EAF2: variants seen among roughly 807,000 people sequenced by gnomAD.
EAF2 encodes the protein ELL associated factor 2, also known as ELL-associated factor 2.
In EAF2, 29 loss-of-function variants were observed where a neutral mutation model predicts 29.4. The observed-to-expected ratio is 0.99, with a 90% CI of 0.73 to 1.35. The LOEUF (loss-of-function observed/expected upper bound fraction) is 1.35, where lower values mean the gene tolerates loss of function less well. Among genes scored for constraint, EAF2 ranks in the 40% most tolerant of loss-of-function variants. The pLI is 0.00. For synonymous variants in EAF2, 103 were observed against 102.5 expected (o/e 1.00, Z -0.03); for missense variants, 292 against 312.0 (o/e 0.94, Z 0.48).
intron 4 of EAF2, among the ~76,000 whole-genome samples, chr3:121,864,500 G>A (rs1477032062): frequency 1.3e-5 from 2 of 152,082 alleles, no homozygotes; most frequent in African/African-American, 4.8e-5. Context: ...AAGGGGAAGG[G>A]AAGGCAAATT....
chr3:121,880,829 T>C (rs1709181116), intron 5 of EAF2, among the ~76,000 whole-genome samples: 1 of 152,198 alleles, frequency 6.6e-6, no homozygotes, highest in African/African-American at 2.4e-5. Context: ...GCTTTCGGCT[T>C]TTCCCCATTT....
intron 2 of EAF2, among the ~76,000 whole-genome samples, chr3:121,851,181 TTTA>T (rs1297172051): frequency 6.6e-6 from 1 of 152,022 alleles, no homozygotes; most frequent in African/African-American, 2.4e-5. Context: ...ACGCACTTAT[TTTA>T]TTTATTTTTT....
intron 5 of EAF2, among the ~76,000 whole-genome samples, chr3:121,879,870 A>G (rs891189100): frequency 2.6e-5 from 4 of 151,928 alleles, no homozygotes; most frequent in Non-Finnish European, 4.4e-5. Context: ...GCTATTTGGC[A>G]TCATCTGTGG....
At chr3:121,852,525 T>G (rs763288931) in intron 2 of EAF2, among the ~76,000 whole-genome samples, 2 of 152,232 alleles carry the variant, frequency 1.3e-5, no homozygotes, top group Non-Finnish European at 2.9e-5. Flanking sequence ...GTAGATTACT[T>G]TAGTCTTTGG....
rs1219368984 is a variant in EAF2 at position 121,835,330 on chromosome 3, G to A, written c.45G>A (p.Arg15=). 2 of 1,614,122 alleles carry A rather than the reference G, an allele frequency of 1.2e-6. No homozygotes were observed. The highest frequency in any genetic ancestry group is 1.3e-5 in the African/African-American group (1 of 74,944). The change falls in exon 1 of 6, where the codon CGG becomes CGA. Residue 15 remains arginine, a synonymous_variant. Transcript: ENST00000273668. ...TCTCACACCTAGACCGTCGCGAGCGGGTTCTCAAGTTAGGGGAGAGTTTCG... is the reference window on the plus strand; with the variant it reads ...TCTCACACCTAGACCGTCGCGAGCGAGTTCTCAAGTTAGGGGAGAGTTTCG... ...AGFSHLDRRE[R]VLKLGESFEK...
intron 2 of EAF2, among the ~76,000 whole-genome samples, chr3:121,849,810 A>G (rs1286237686): frequency 6.6e-6 from 1 of 151,986 alleles, no homozygotes; most frequent in African/African-American, 2.4e-5. Flanking sequence ...CCAGAGTCCT[A>G]TTTTAACATT....
intron 5 of EAF2, 118 bp downstream of exon 5, chr3:121,872,906 TA>T (rs1709041657): frequency 7.4e-7 from 1 of 1,358,860 alleles, no homozygotes; most frequent in Non-Finnish European, 1.0e-6. Context: ...TTGATACTAT[TA>T]ATAATTACAT....
At chr3:121,870,727 A>C (rs1167906342) in intron 4 of EAF2, among the ~76,000 whole-genome samples, 1 of 152,146 alleles carries the variant, frequency 6.6e-6, no homozygotes, top group Non-Finnish European at 1.5e-5. Context: ...AAGACAAACA[A>C]ATATAAAAAT....
chr3:121,860,411 T>C (rs1708805428), intron 4 of EAF2, among the ~76,000 whole-genome samples: 1 of 152,210 alleles, frequency 6.6e-6, no homozygotes, highest in Non-Finnish European at 1.5e-5. Context: ...GGTGTATGTG[T>C]CCAGGAATTT....
intron 4 of EAF2, among the ~76,000 whole-genome samples, chr3:121,862,447 T>C (rs1708849393): frequency 2.0e-5 from 3 of 152,230 alleles, no homozygotes; most frequent in Admixed American, 6.5e-5. Context: ...AACCCTTTCT[T>C]CCACTTGATC....
chr3:121,838,640 A>G (rs868463398), intron 1 of EAF2, among the ~76,000 whole-genome samples: 4 of 152,340 alleles, frequency 2.6e-5, no homozygotes, highest in Middle Eastern at 6.8e-3. Flanking sequence ...GATATTTTGC[A>G]TACATTTGTC....
chr3:121,858,107 G>A (rs531578753), intron 4 of EAF2, among the ~76,000 whole-genome samples: 18 of 152,224 alleles, frequency 1.2e-4, no homozygotes, highest in African/African-American at 3.1e-4. Flanking sequence ...CTTTGCTATT[G>A]TGAATAGTGC....
At position 121,857,192 on chromosome 3, in the gene EAF2, A is replaced by T. The variant is rs949747710; in HGVS notation, c.484+36A>T. 5 of 1,551,148 alleles carry T rather than the reference A, an allele frequency of 3.2e-6. No homozygotes were observed. The African/African-American group carries it at 6.9e-5, about 21-fold the overall frequency. ...AGTATATGTAACATCCCTTTATAAGAGATAATTAAGAAATGTTAAGGCCAG... is the reference window on the plus strand; with the variant it reads ...AGTATATGTAACATCCCTTTATAAGTGATAATTAAGAAATGTTAAGGCCAG... On this transcript the variant is annotated intron_variant, in intron 4 of 5. Coordinates refer to ENST00000273668, the MANE Select transcript of EAF2 (RefSeq NM_018456.6).
chr3:121,844,114 A>G (rs964047968), intron 1 of EAF2, among the ~76,000 whole-genome samples: 1 of 152,166 alleles, frequency 6.6e-6, no homozygotes, highest in African/African-American at 2.4e-5. Context: ...CATTCTACCT[A>G]TATCAGTTTT....
chr3:121,868,968 G>A (rs575884624), intron 4 of EAF2, among the ~76,000 whole-genome samples: 8 of 152,252 alleles, frequency 5.3e-5, no homozygotes, highest in Non-Finnish European at 5.9e-5. Context: ...CATATCCTGG[G>A]CCATAAAACA....
At chr3:121,847,648 G>T (rs116120349) in intron 2 of EAF2, among the ~76,000 whole-genome samples, 2 of 152,060 alleles carry the variant, frequency 1.3e-5, no homozygotes, top group Non-Finnish European at 2.9e-5. Context: ...TGGGGAGAGG[G>T]GGGGAGGAAG....
intron 5 of EAF2, among the ~76,000 whole-genome samples, chr3:121,877,742 G>A (rs1337974568): frequency 6.6e-6 from 1 of 151,812 alleles, no homozygotes; most frequent in Non-Finnish European, 1.5e-5. Context: ...TGTCTTAAAG[G>A]AGAATAGGAA....
At chr3:121,863,453 T>C (rs982254370) in intron 4 of EAF2, among the ~76,000 whole-genome samples, 1 of 152,172 alleles carries the variant, frequency 6.6e-6, no homozygotes, top group Non-Finnish European at 1.5e-5. Flanking sequence ...CTCAGACTGC[T>C]GTGCTAGCAG....
Position 121,873,203 on chromosome 3 carries a change from CAT to C in EAF2, c.736+416_736+417del, listed in dbSNP as rs927315453. ...GATTCAAACCTCTAGGCTTTAGACA[CAT>C]GTTTAACATCATCTCCCATCATCTC... On this transcript the variant is annotated intron_variant, in intron 5 of 5. Transcript: ENST00000273668. 1.4e-5 allele frequency: 8 copies of C among 556,356 alleles called. No homozygotes were observed. In the African/African-American group the frequency reaches 1.5e-4, roughly 11 times the overall value. The allele number at this position is 556,356 out of a possible 1,614,324, so 34.5% of individuals were successfully genotyped here.
Sources: allele counts gnomAD v4.1 joint callset (sites outside exome capture counted in the v4.1 genomes callset), GRCh38; gene constraint gnomAD v4.1.1; transcripts MANE v1.5; gene names NCBI Gene and HGNC (gene_info 2026-07-23, HGNC 2026-07-21).